LRRC8C: variants seen among roughly 807,000 people sequenced by gnomAD.
LRRC8C encodes leucine rich repeat containing 8 VRAC subunit C.
Under a neutral mutation model 55.3 loss-of-function variants are expected in LRRC8C, and 20 were observed. The observed-to-expected ratio is 0.36, with a 90% CI of 0.25 to 0.53. The LOEUF is 0.53. Among genes scored for constraint, LRRC8C ranks in the 20% least tolerant of loss-of-function variants. LRRC8C has a pLI of 0.92. For missense variants in LRRC8C, 659 were observed against 951.4 expected (o/e 0.69, Z 4.04); for synonymous variants, 376 against 360.7 (o/e 1.04, Z -0.48).
At chr1:89,685,101 CTTTTTTT>C (rs11316114) in intron 1 of LRRC8C, among the ~76,000 whole-genome samples, 14 of 76,186 alleles carry the variant, frequency 1.8e-4, no homozygotes, top group African/African-American at 5.6e-4. Context: ...CTATCTAGTT[CTTTTTTT>C]TTTTTTTTTT....
upstream of LRRC8C, among the ~76,000 whole-genome samples, chr1:89,629,412 T>C (rs1656050030): frequency 6.6e-6 from 1 of 152,202 alleles, no homozygotes; most frequent in Non-Finnish European, 1.5e-5. Flanking sequence ...TCTTACCAGG[T>C]AGGATCAACT....
chr1:89,681,873 C>A (rs1272928804), intron 1 of LRRC8C, among the ~76,000 whole-genome samples: 3 of 152,162 alleles, frequency 2.0e-5, no homozygotes, highest in Non-Finnish European at 4.4e-5. Context: ...GACATACATG[C>A]ACATACGCAT....
intron 2 of LRRC8C, chr1:89,706,160 C>T: frequency 3.0e-6 from 1 of 334,962 alleles, no homozygotes; most frequent in Non-Finnish European, 5.9e-6. Context: ...TGTTGGTATC[C>T]CAAATATAAC....
intron 1 of LRRC8C, among the ~76,000 whole-genome samples, chr1:89,648,213 T>C (rs1264617901): frequency 6.6e-6 from 1 of 152,222 alleles, no homozygotes; most frequent in Admixed American, 6.5e-5. Context: ...GATTATTCAT[T>C]GAATTCCTAA....
At chr1:89,666,491 C>A (rs1657267780) in intron 1 of LRRC8C, among the ~76,000 whole-genome samples, 1 of 152,110 alleles carries the variant, frequency 6.6e-6, no homozygotes. Flanking sequence ...CTCCTTTGTT[C>A]CTTCTCCCAA....
At chr1:89,642,846 CA>C (rs34394797) in intron 1 of LRRC8C, among the ~76,000 whole-genome samples, 8,744 of 140,720 alleles carry the variant, frequency 0.062, 868 homozygotes, top group African/African-American at 0.22. Context: ...GACTCCATCT[CA>C]AAAAAAAAAA....
rs148760135 is a variant in LRRC8C at position 89,636,708 on chromosome 1, G to A, written c.-5+3386G>A. ...TAAAAGCTACCTCCTTCATGAGCCT[G>A]CCTGTTTCCCTCCAGATCCTTGTCA... On this transcript the variant is annotated intron_variant, in intron 1 of 2. Transcript: ENST00000370454. Among the ~76,000 whole-genome samples, 441 of 152,174 alleles carry A rather than the reference G, an allele frequency of 2.9e-3. 3 individuals are homozygous for A. Among genetic ancestry groups the A allele is most frequent in the African/African-American group, 9.4e-3 (391 of 41,522 alleles).
At chr1:89,703,147 T>C (rs917496612) in intron 2 of LRRC8C, among the ~76,000 whole-genome samples, 4 of 152,170 alleles carry the variant, frequency 2.6e-5, no homozygotes, top group African/African-American at 7.2e-5. Context: ...CATTCAAAAT[T>C]AAAGTGAACC....
intron 1 of LRRC8C, among the ~76,000 whole-genome samples, chr1:89,672,030 G>T (rs1657430807): frequency 6.6e-6 from 1 of 152,056 alleles, no homozygotes; most frequent in Non-Finnish European, 1.5e-5. Flanking sequence ...AAATGACAGG[G>T]CCCAACCTTA....
intron 1 of LRRC8C, among the ~76,000 whole-genome samples, chr1:89,667,599 TA>T (rs1238869893): frequency 6.6e-6 from 1 of 152,156 alleles, no homozygotes; most frequent in Non-Finnish European, 1.5e-5. Context: ...GTAATAGAGC[TA>T]CTTTCTGGGC....
At chr1:89,701,252 G>A (rs1225381884) in intron 2 of LRRC8C, among the ~76,000 whole-genome samples, 12 of 152,156 alleles carry the variant, frequency 7.9e-5, no homozygotes, top group Admixed American at 5.9e-4. Context: ...CGAGGCAGGC[G>A]GATCACGAGG....
At chr1:89,643,636 T>C (rs1557646477) in intron 1 of LRRC8C, among the ~76,000 whole-genome samples, 1 of 152,264 alleles carries the variant, frequency 6.6e-6, no homozygotes, top group African/African-American at 2.4e-5. Context: ...GTTGTGTTTT[T>C]GTAAGTTTAC....
At chr1:89,616,698 C>A in the LRRC8C span, among the ~76,000 whole-genome samples, 2 of 152,182 alleles carry the variant, frequency 1.3e-5, no homozygotes, top group East Asian at 3.9e-4. Flanking sequence ...TTGGGCATGC[C>A]ATAAGGAGGC....
chr1:89,710,068 A>G (rs550459304), intron 2 of LRRC8C, among the ~76,000 whole-genome samples: 7 of 152,210 alleles, frequency 4.6e-5, no homozygotes, highest in Admixed American at 2.6e-4. Context: ...TCATCATATC[A>G]TTAACAATAT....
intron 1 of LRRC8C, among the ~76,000 whole-genome samples, chr1:89,683,578 G>A (rs1657788531): frequency 2.0e-5 from 3 of 152,026 alleles, no homozygotes; most frequent in Non-Finnish European, 4.4e-5. Context: ...GGATGGTCTT[G>A]ATCTCCTGAC....
At chr1:89,685,165 G>T (rs1272233523) in intron 1 of LRRC8C, among the ~76,000 whole-genome samples, 1 of 132,234 alleles carries the variant, frequency 7.6e-6, no homozygotes, top group African/African-American at 2.8e-5. Context: ...AGGCCGGACT[G>T]CGGACTGCAG....
chr1:89,707,635 GGTGTGTGTGTGTGTGAGTGTGT>G (rs1190500986), intron 2 of LRRC8C, among the ~76,000 whole-genome samples: 7,573 of 140,878 alleles, frequency 0.054, 677 homozygotes, highest in African/African-American at 0.19. Context: ...AGGTGTGGCT[GGTGTGTGTGTGTGTGAGTGTGT>G]GTGTGTGTGT....
chr1:89,699,348 A>G (rs982175942), intron 2 of LRRC8C, among the ~76,000 whole-genome samples: 6 of 152,192 alleles, frequency 3.9e-5, no homozygotes, highest in Non-Finnish European at 8.8e-5. Flanking sequence ...CAACACCAAG[A>G]GTGAACCCCA....
chr1:89,650,451 C>G (rs920198960), intron 1 of LRRC8C, among the ~76,000 whole-genome samples: 3 of 150,940 alleles, frequency 2.0e-5, no homozygotes, highest in Non-Finnish European at 4.4e-5. Context: ...TTTCTACCAG[C>G]CAAAAATCTA....
Sources: allele counts gnomAD v4.1 joint callset (sites outside exome capture counted in the v4.1 genomes callset), GRCh38; gene constraint gnomAD v4.1.1; transcripts MANE v1.5; gene names NCBI Gene and HGNC (gene_info 2026-07-23, HGNC 2026-07-21).